Variants in UQCRFS1 observed in about 807,000 individuals in gnomAD.
UQCRFS1 encodes ubiquinol-cytochrome c reductase, Rieske iron-sulfur polypeptide 1.
Under a neutral mutation model 15.6 loss-of-function variants are expected in UQCRFS1, and 6 were observed. The observed-to-expected ratio is 0.38, with a 90% confidence interval of 0.21 to 0.76. UQCRFS1 has a LOEUF of 0.76. Ranked by LOEUF, UQCRFS1 falls within the 30% of genes least tolerant of loss-of-function variation. The probability of loss-of-function intolerance (pLI) is 0.44; values close to 1 mark genes in which losing one functional copy is unlikely to be tolerated. For missense variants in UQCRFS1, 203 were observed against 366.7 expected (o/e 0.55, Z 3.65); for synonymous variants, 105 against 154.3 (o/e 0.68, Z 2.37).
chr19:29,212,478 T>G lies in UQCRFS1; in HGVS notation c.214+427A>C, dbSNP rs74971886. ...CTTCCCAAATATTAGTAAGTTTCCATTTCTTAAGCATGTAAGTGCCCAAAC... is the reference window on the plus strand; with the variant it reads ...CTTCCCAAATATTAGTAAGTTTCCAGTTCTTAAGCATGTAAGTGCCCAAAC... On this transcript the variant is annotated intron_variant, in intron 1 of 1. Coordinates refer to ENST00000304863, the MANE Select transcript of UQCRFS1 (RefSeq NM_006003.3). Among the ~76,000 whole-genome samples, 46 of 152,126 alleles carry G rather than the reference T, an allele frequency of 3.0e-4. 1 individual carries two copies. The East Asian group carries it at 8.7e-3, about 29-fold the overall frequency.
At position 29,207,284 on chromosome 19, in the gene UQCRFS1, G is replaced by A; in HGVS notation, c.*264C>T. On this transcript the variant is annotated 3_prime_UTR_variant, in exon 2 of 2. Transcript: ENST00000304863. ...TCACAAGTATCTTGTACACCAGTCT[G>A]TAATTTTTAATTAGAATTAGCTAAA... is the stretch of plus-strand genomic sequence containing the variant. 1 of 349,872 alleles carries A rather than the reference G, an allele frequency of 2.9e-6. No homozygotes were observed. The highest frequency in any genetic ancestry group is 5.1e-6 in the Non-Finnish European group (1 of 194,832). The allele number at this position is 349,872 out of a possible 1,614,324, so 21.7% of individuals were successfully genotyped here.
intron 1 of UQCRFS1, 34 bp downstream of exon 1, chr19:29,212,871 C>T: frequency 7.0e-7 from 1 of 1,419,050 alleles, no homozygotes; most frequent in Non-Finnish European, 9.1e-7. Flanking sequence ...CCGAGAGACC[C>T]CCAGCCCTGC....
intron 1 of UQCRFS1, among the ~76,000 whole-genome samples, chr19:29,212,602 G>C (rs1976668353): frequency 6.6e-6 from 1 of 152,204 alleles, no homozygotes; most frequent in African/African-American, 2.4e-5. Context: ...AGTACGTTTA[G>C]AAACTCGCCC....
chr19:29,211,586 C>G (rs16962614), intron 1 of UQCRFS1, among the ~76,000 whole-genome samples: 2,939 of 152,114 alleles, frequency 0.019, 79 homozygotes, highest in African/African-American at 0.06. Flanking sequence ...GCCCTTAAGC[C>G]CAAGGGTGGA....
intron 1 of UQCRFS1, among the ~76,000 whole-genome samples, chr19:29,212,246 C>G (rs1287546122): frequency 6.6e-6 from 1 of 152,198 alleles, no homozygotes; most frequent in Non-Finnish European, 1.5e-5. Context: ...ATGTCCACAC[C>G]ACGGATCCTG....
intron 1 of UQCRFS1, among the ~76,000 whole-genome samples, chr19:29,209,670 C>A (rs542028535): frequency 2.6e-5 from 4 of 152,108 alleles, no homozygotes; most frequent in Non-Finnish European, 5.9e-5. Flanking sequence ...TGCTAACCTG[C>A]CAGTATATAC....
Position 29,207,637 on chromosome 19 carries a change from A to C in UQCRFS1, c.736T>G (p.Ser246Ala). ...GCAGGACCCAATCTGATCCTGCCAG[A>C]TGCATCATAGTGTGACCCATGGCAA... ...CPCHGSHYDA[S>A]GRIRLGPAPL... The change falls in exon 2 of 2, where the codon TCT becomes GCT. Residue 246 changes from serine to alanine, a missense_variant. Physicochemically the swap from Ser to Ala is moderately conservative, Grantham distance 99 (BLOSUM62 1). Transcript: ENST00000304863. The C allele has an allele frequency of 6.2e-7, 1 of 1,613,986 alleles. No homozygotes were observed. Among genetic ancestry groups the C allele is most frequent in the Non-Finnish European group, 8.5e-7 (1 of 1,179,868 alleles).
chr19:29,212,859 C>A, intron 1 of UQCRFS1, 46 bp downstream of exon 1: 1 of 1,379,410 alleles, frequency 7.2e-7, no homozygotes, highest in Non-Finnish European at 9.3e-7. Context: ...GAGGAGCGGG[C>A]ACCGAGAGAC....
intron 1 of UQCRFS1, among the ~76,000 whole-genome samples, chr19:29,212,442 GAGA>G (rs1458898483): frequency 6.6e-6 from 1 of 151,792 alleles, no homozygotes; most frequent in African/African-American, 2.4e-5. Context: ...CGGTAGTGGT[GAGA>G]AGACCAACTT....
At chr19:29,210,505 TC>T (rs1163968799) in intron 1 of UQCRFS1, among the ~76,000 whole-genome samples, 2 of 78,496 alleles carry the variant, frequency 2.5e-5, no homozygotes, top group East Asian at 8.7e-4. Flanking sequence ...ATGCTATCCC[TC>T]CCCCTCCCCC....
rs1208535876 is a variant in UQCRFS1 at position 29,206,944 on chromosome 19, T to G, written c.*604A>C. 1.3e-5 allele frequency: 2 copies of G among 152,390 alleles called. No homozygotes were observed. The highest frequency in any genetic ancestry group is 4.8e-5 in the African/African-American group (2 of 41,438). 9.4% of individuals were successfully genotyped at this position (152,390 alleles called of 1,614,324 possible). On this transcript the variant is annotated 3_prime_UTR_variant, in exon 2 of 2. Transcript: ENST00000304863. ...TAATAAAATTTCCTGGCCTGTCACT[T>G]AAGGAGAAAAACCAGCAGACCAGAC...
intron 1 of UQCRFS1, among the ~76,000 whole-genome samples, chr19:29,210,273 T>C (rs974246298): frequency 6.6e-6 from 1 of 152,200 alleles, no homozygotes. Context: ...AATTACAGGC[T>C]GAAATGATTA....
In UQCRFS1 at chr19:29,207,167, C is replaced by A. The variant is rs1976602497; in HGVS notation, c.*381G>T. The A allele has an allele frequency of 5.5e-6, 1 of 183,204 alleles. No individual in the cohort carries two copies. Among genetic ancestry groups the A allele is most frequent in the South Asian group, 1.2e-4 (1 of 8,310 alleles). 11.3% of individuals were successfully genotyped at this position (183,204 alleles called of 1,614,324 possible). A position where few individuals can be genotyped will look rare whatever the true frequency, so the allele number is the denominator to read the frequency against. ...ACACTTAGATGACCCGTTAATTTTA[C>A]TTCATCCCAACAATGACCGTGCAGA... On this transcript the variant is annotated 3_prime_UTR_variant, in exon 2 of 2. Transcript: ENST00000304863.
intron 1 of UQCRFS1, among the ~76,000 whole-genome samples, chr19:29,210,505 TCC>T (rs1163968799): frequency 1.3e-5 from 1 of 78,496 alleles, no homozygotes; most frequent in Non-Finnish European, 2.4e-5. Flanking sequence ...ATGCTATCCC[TCC>T]CCCTCCCCCC....
In UQCRFS1 at chr19:29,213,025, C is replaced by A. The variant is rs1976677260; in HGVS notation, c.94G>T (p.Ala32Ser). 1 of 1,428,110 alleles carries A rather than the reference C, an allele frequency of 7.0e-7. No individual in the cohort carries two copies. Among genetic ancestry groups the A allele is most frequent in the Non-Finnish European group, 9.0e-7 (1 of 1,104,990 alleles). The allele number at this position is 1,428,110 out of a possible 1,614,324, so 88.5% of individuals were successfully genotyped here. ...VAGALRPLVQATVPATPEQPV... is the reference protein window; with the variant it reads ...VAGALRPLVQSTVPATPEQPV... ...TGCTCCGGGGTGGCGGGCACCGTGG[C>A]CTGCACCAAGGGCCGCAGCGCGCCC... is the stretch of plus-strand genomic sequence containing the variant. The change falls in exon 1 of 2, where the codon GCC becomes TCC. Residue 32 changes from alanine to serine, a missense_variant. Coordinates refer to ENST00000304863, the MANE Select transcript of UQCRFS1 (RefSeq NM_006003.3).
At chr19:29,211,241 AAAG>A (rs1420285908) in intron 1 of UQCRFS1, among the ~76,000 whole-genome samples, 2 of 152,082 alleles carry the variant, frequency 1.3e-5, no homozygotes, top group African/African-American at 2.4e-5. Context: ...ACACTTCTCA[AAAG>A]AAGACATTTA....
Position 29,205,484 on chromosome 19 carries a change from T to C in UQCRFS1, c.*2064A>G, listed in dbSNP as rs1027537533. 1 of 152,238 alleles carries C rather than the reference T, an allele frequency of 6.6e-6. No homozygotes were observed. The highest frequency in any genetic ancestry group is 2.4e-5 in the African/African-American group (1 of 41,466). The allele number at this position is 152,238 out of a possible 1,614,324, so 9.4% of individuals were successfully genotyped here. A position where few individuals can be genotyped will look rare whatever the true frequency, so the allele number is the denominator to read the frequency against. On this transcript the variant is annotated 3_prime_UTR_variant, in exon 2 of 2. Transcript: ENST00000304863. ...TTGAGTCAAAGTTTTTACAAAGGTA[T>C]GCTCAGAAAGACCAAAGAAAATTTG...
chr19:29,207,838 T>G lies in UQCRFS1; in HGVS notation c.535A>C (p.Arg179=). The stretch of plus-strand genomic sequence containing the variant: ...TCCTGCTCAATTTCCTTCTGGGTTC[T>G]ATGACGCACAAACAGGGGTTTGCCT... ...WRGKPLFVRH[R]TQKEIEQEAA... Residue 179 remains arginine (R), a synonymous_variant, in exon 2 of 2, where the codon AGA becomes CGA. Transcript: ENST00000304863. 2 of 1,614,052 alleles carry G rather than the reference T, an allele frequency of 1.2e-6. No homozygotes were observed. Among genetic ancestry groups the G allele is most frequent in the Non-Finnish European group, 1.7e-6 (2 of 1,179,876 alleles).
At chr19:29,212,199 G>C (rs1976660999) in intron 1 of UQCRFS1, among the ~76,000 whole-genome samples, 1 of 152,158 alleles carries the variant, frequency 6.6e-6, no homozygotes, top group South Asian at 2.1e-4. Context: ...GAGCTCAGTG[G>C]CTACGACAAT....
Sources: allele counts gnomAD v4.1 joint callset (sites outside exome capture counted in the v4.1 genomes callset), GRCh38; gene constraint gnomAD v4.1.1; transcripts MANE v1.5; gene names NCBI Gene and HGNC (gene_info 2026-07-23, HGNC 2026-07-21).